The following PCM1 variants were observed in gnomAD, a reference collection of about 807,000 sequenced individuals.
PCM1 encodes the protein pericentriolar material 1 protein.
PCM1 carries 157 observed loss-of-function variants against 241.9 expected under a neutral mutation model. The observed-to-expected ratio is 0.65, with a 90% CI of 0.57 to 0.74. PCM1 has a LOEUF of 0.74. PCM1 is among the 30% of genes least tolerant of loss of function. The probability of loss-of-function intolerance (pLI) is 0.00; values close to 1 mark genes in which losing one functional copy is unlikely to be tolerated. For missense variants in PCM1, 3,478 were observed against 2,360.1 expected (o/e 1.47, Z -9.81); for synonymous variants, 1,085 against 784.9 (o/e 1.38, Z -6.39).
chr8:17,933,982 CAGGA>C (rs1320716603), intron 2 of PCM1, among the ~76,000 whole-genome samples: 10 of 151,502 alleles, frequency 6.6e-5, no homozygotes, highest in African/African-American at 2.4e-4. Flanking sequence ...TGAAATATAA[CAGGA>C]AGGGTCAATG....
chr8:17,934,792 G>C (rs183746095), intron 2 of PCM1: 3 of 152,272 alleles, frequency 2.0e-5, no homozygotes, highest in Non-Finnish European at 4.4e-5. Context: ...ACTTTCTGAT[G>C]ATCATCTCTG....
At position 17,937,346 on chromosome 8, in the gene PCM1, G is replaced by A; in HGVS notation, c.309G>A (p.Leu103=). Residue 103 remains leucine (L), a synonymous_variant, in exon 4 of 39, where the codon CTG becomes CTA. Coordinates refer to ENST00000325083, the MANE Select transcript of PCM1 (RefSeq NM_006197.4). The part of the protein sequence containing the change: ...SVPEQAELEK[L]KQRINFSDLD... Reference sequence around the variant, plus strand: ...CAGAGCAGGCAGAATTAGAGAAACTGAAACAGCGGATAAACTTCAGTGATT... The same window carrying A: ...CAGAGCAGGCAGAATTAGAGAAACTAAAACAGCGGATAAACTTCAGTGATT... 1.2e-6 allele frequency: 2 copies of A among 1,604,236 alleles called. No homozygotes were observed. The highest frequency in any genetic ancestry group is 1.1e-5 in the South Asian group (1 of 88,218).
Position 17,957,620 on chromosome 8 carries a change from G to C in PCM1, c.1885G>C (p.Glu629Gln). 6.3e-7 allele frequency: 1 copy of C among 1,580,676 alleles called. No homozygotes were observed. The highest frequency in any genetic ancestry group is 1.3e-5 in the African/African-American group (1 of 74,182). ...EDDEEEEEEA[E>Q]EEGVSGASLS... is the part of the protein sequence containing the mutation. The stretch of plus-strand genomic sequence containing the variant: ...TGATGAGGAGGAGGAGGAAGAAGCA[G>C]AAGAGGAGGGAGTCAGTGGAGCTTC... Residue 629 changes from glutamate (E) to glutamine (Q), a missense_variant, in exon 13 of 39, where the codon GAA becomes CAA. Glu to Gln is a conservative substitution (Grantham distance 29). Coordinates refer to ENST00000325083, the MANE Select transcript of PCM1 (RefSeq NM_006197.4).
intron 34 of PCM1, among the ~76,000 whole-genome samples, chr8:18,012,553 TA>T (rs760056934): frequency 2.6e-5 from 4 of 152,210 alleles, no homozygotes; most frequent in Non-Finnish European, 4.4e-5. Flanking sequence ...GGTGCTTTTT[TA>T]TATGTTATTT....
chr8:17,943,503 TA>T (rs2062835788), intron 6 of PCM1, among the ~76,000 whole-genome samples: 1 of 152,226 alleles, frequency 6.6e-6, no homozygotes, highest in African/African-American at 2.4e-5. Context: ...AGTTAACAGT[TA>T]ATGCAGTATC....
Position 17,953,166 on chromosome 8 carries a change from A to G in PCM1, c.1268A>G (p.Gln423Arg). The change falls in exon 9 of 39, where the codon CAG (glutamine) becomes CGG (arginine). Residue 423 changes from glutamine to arginine, a missense_variant. Physicochemically the swap from Gln to Arg is conservative, Grantham distance 43. Transcript: ENST00000325083. ...LLGELHTLRD[Q>R]HLNNSSSSPQ... ...GGAGAACTTCATACACTTCGAGATC[A>G]GCATCTTAACAATTCATCATGTGAG... The G allele has an allele frequency of 1.3e-6, 2 of 1,569,550 alleles. No individual in the cohort carries two copies. The highest frequency in any genetic ancestry group is 1.7e-6 in the Non-Finnish European group (2 of 1,154,646).
intron 24 of PCM1, among the ~76,000 whole-genome samples, chr8:17,983,663 T>G (rs1383592969): frequency 6.6e-6 from 1 of 152,180 alleles, no homozygotes; most frequent in Admixed American, 6.5e-5. Flanking sequence ...AGTCAGCATC[T>G]TAGAAAAGTC....
intron 8 of PCM1, among the ~76,000 whole-genome samples, chr8:17,951,667 A>G (rs768666525): frequency 2.1e-4 from 32 of 152,322 alleles, no homozygotes; most frequent in Admixed American, 9.1e-4. Flanking sequence ...TTTTTAATGT[A>G]TGTATACATA....
Position 17,957,313 on chromosome 8 carries a change from G to T in PCM1, c.1696G>T (p.Ala566Ser). 9 of 1,611,694 alleles carry T rather than the reference G, an allele frequency of 5.6e-6. No homozygotes were observed. Among genetic ancestry groups the T allele is most frequent in the Non-Finnish European group, 7.6e-6 (9 of 1,178,308 alleles). Residue 566 changes from alanine to serine, a missense_variant, in exon 12 of 39, where the codon GCA becomes TCA. Ala to Ser is a moderately conservative substitution (Grantham distance 99). Transcript: ENST00000325083. Reference protein sequence around the residue: ...TWNEVNSHSNAQCVSNNRDGR... With the variant: ...TWNEVNSHSNSQCVSNNRDGR... ...GAATGAAGTAAATAGTCATAGTAAT[G>T]CACAGTGTGTTTCTAATAATAGAGA...
chr8:17,966,650 C>T (rs1465510582), intron 20 of PCM1, among the ~76,000 whole-genome samples, 177 bp downstream of exon 20: 1 of 152,144 alleles, frequency 6.6e-6, no homozygotes, highest in Non-Finnish European at 1.5e-5. Flanking sequence ...CCATGGATTT[C>T]TGTTTTTATA....
chr8:17,985,668 A>G (rs758465997), intron 25 of PCM1, 49 bp downstream of exon 25: 4 of 1,370,122 alleles, frequency 2.9e-6, no homozygotes, highest in Non-Finnish European at 4.1e-6. Context: ...CACCTTCTTC[A>G]TGATTATCTC....
chr8:17,982,602 C>G (rs1317732737), intron 24 of PCM1: 2 of 152,246 alleles, frequency 1.3e-5, no homozygotes, highest in African/African-American at 4.8e-5. Flanking sequence ...TCGAGCGATT[C>G]TCCTGCCTCA....
chr8:17,947,987 A>G (rs2064458574), intron 7 of PCM1, among the ~76,000 whole-genome samples: 1 of 152,186 alleles, frequency 6.6e-6, no homozygotes, highest in Non-Finnish European at 1.5e-5. Context: ...TTGTACGTTT[A>G]TCATCACCTT....
chr8:18,006,199 G>C, intron 29 of PCM1, 64 bp from the exon 30 acceptor site: 1 of 1,296,624 alleles, frequency 7.7e-7, no homozygotes, highest in East Asian at 2.5e-5. Flanking sequence ...GTATTATATG[G>C]ATTGATTTTC....
At chr8:17,955,005 A>T (rs62498178) in intron 9 of PCM1, among the ~76,000 whole-genome samples, 26,672 of 151,890 alleles carry the variant, frequency 0.18, 2,688 homozygotes, top group East Asian at 0.38. Flanking sequence ...TGAAAAACTG[A>T]TGAAGACCTA....
chr8:17,923,995 T>C (rs1700859839), intron 1 of PCM1, among the ~76,000 whole-genome samples: 1 of 82,032 alleles, frequency 1.2e-5, no homozygotes, highest in Non-Finnish European at 3.3e-5. Flanking sequence ...TTAATTTTTT[T>C]TGTTTTGTTT....
chr8:17,972,675 G>T lies in PCM1; in HGVS notation c.3931G>T (p.Val1311Phe). 2 of 1,538,796 alleles carry T rather than the reference G, an allele frequency of 1.3e-6. No individual in the cohort carries two copies. Among genetic ancestry groups the T allele is most frequent in the Non-Finnish European group, 1.7e-6 (2 of 1,145,130 alleles). ...KRNSTQLKSR[V>F]KNIRYESASM... is the part of the protein sequence containing the mutation. ...GAATTCTACTCAGCTGAAAAGCAGA[G>T]TTAAAAACATCAGTAAGTGTTGAAA... Residue 1311 changes from valine (V) to phenylalanine (F), a missense_variant, in exon 23 of 39, where the codon GTT (valine) becomes TTT (phenylalanine). Coordinates refer to ENST00000325083, the MANE Select transcript of PCM1 (RefSeq NM_006197.4).
At chr8:18,006,423 A>C in intron 30 of PCM1, 26 bp downstream of exon 30, 1 of 1,539,172 alleles carries the variant, frequency 6.5e-7, no homozygotes, top group Non-Finnish European at 9.0e-7. Flanking sequence ...TGTATGATTT[A>C]CCAATATGTA....
At chr8:17,958,715 C>T (rs1439919158) in intron 13 of PCM1, among the ~76,000 whole-genome samples, 1 of 143,518 alleles carries the variant, frequency 7.0e-6, no homozygotes, top group Non-Finnish European at 1.5e-5. Flanking sequence ...AAAAAAAGTA[C>T]GTATTTGTAT....
Sources: gnomAD v4.1 joint callset for allele counts (sites outside exome capture counted in the v4.1 genomes callset) on GRCh38, gnomAD v4.1.1 for gene constraint, MANE v1.5 for transcripts, NCBI Gene and HGNC (gene_info 2026-07-23, HGNC 2026-07-21) for gene names.